Variants in SHISA9 observed in about 807,000 individuals in gnomAD.
SHISA9 encodes the protein protein shisa-9.
Under a neutral mutation model 38.0 loss-of-function variants are expected in SHISA9, and 13 were observed. The observed-to-expected ratio is 0.34, with a 90% CI of 0.22 to 0.54. SHISA9 has a LOEUF of 0.54. SHISA9 is among the 20% of genes least tolerant of loss of function. The probability of loss-of-function intolerance (pLI) is 0.91; values close to 1 mark genes in which losing one functional copy is unlikely to be tolerated. For synonymous variants in SHISA9, 275 were observed against 242.0 expected (o/e 1.14, Z -1.27); for missense variants, 538 against 575.8 (o/e 0.93, Z 0.67).
chr16:13,225,431 C>T (rs1018028608), intron 4 of SHISA9, among the ~76,000 whole-genome samples: 13 of 152,290 alleles, frequency 8.5e-5, no homozygotes, highest in African/African-American at 2.2e-4. Context: ...CTAGAGTCCA[C>T]GTCAAACAGA....
chr16:13,381,917 A>G, the SHISA9 span, among the ~76,000 whole-genome samples: 1 of 152,196 alleles, frequency 6.6e-6, no homozygotes. Flanking sequence ...AAATAGGTAA[A>G]TGACATGAAG....
intron 2 of SHISA9, among the ~76,000 whole-genome samples, chr16:12,968,053 G>C (rs957504694): frequency 4.6e-5 from 7 of 151,972 alleles, no homozygotes; most frequent in Non-Finnish European, 8.8e-5. Context: ...AGCCGGATGT[G>C]GTGGCACATG....
At chr16:12,963,183 G>C (rs1202040704) in intron 2 of SHISA9, among the ~76,000 whole-genome samples, 1 of 152,214 alleles carries the variant, frequency 6.6e-6, no homozygotes, top group Non-Finnish European at 1.5e-5. Context: ...GTTCTTAGTT[G>C]TCAGCTGACA....
the SHISA9 span, among the ~76,000 whole-genome samples, chr16:13,412,785 AG>A: frequency 9.5e-4 from 144 of 151,770 alleles, no homozygotes; most frequent in Non-Finnish European, 1.5e-3. Flanking sequence ...TTAGCCCGGG[AG>A]GCAGAGGTTG....
chr16:13,055,678 C>T (rs1567196992), intron 2 of SHISA9, among the ~76,000 whole-genome samples: 1 of 152,236 alleles, frequency 6.6e-6, no homozygotes, highest in African/African-American at 2.4e-5. Context: ...CCCACTCACC[C>T]TCTTCCCTCA....
chr16:13,523,353 TAAATA>T, the SHISA9 span, among the ~76,000 whole-genome samples: 27 of 152,016 alleles, frequency 1.8e-4, no homozygotes, highest in African/African-American at 4.6e-4. Flanking sequence ...CCATCTCAAA[TAAATA>T]AAATAAAATA....
intron 2 of SHISA9, among the ~76,000 whole-genome samples, chr16:12,990,658 G>C (rs915978826): frequency 5.3e-5 from 8 of 152,208 alleles, no homozygotes; most frequent in African/African-American, 1.9e-4. Context: ...ATCAAAACTG[G>C]AGGTGGATGG....
At chr16:13,092,518 C>G (rs1052622843) in intron 2 of SHISA9, among the ~76,000 whole-genome samples, 1 of 152,238 alleles carries the variant, frequency 6.6e-6, no homozygotes, top group African/African-American at 2.4e-5. Context: ...CTACTCAAGC[C>G]TCAGCAATTG....
chr16:13,228,986 C>T lies in SHISA9; in HGVS notation c.896-6044C>T, dbSNP rs189166416. The stretch of plus-strand genomic sequence containing the variant: ...GGCCAGCCTGGCCAACATGGAAAAA[C>T]GCTTCTCTACTGAAAATACCAAAAT... On this transcript the variant is annotated intron_variant, in intron 4 of 4. Coordinates refer to ENST00000558583, the MANE Select transcript of SHISA9 (RefSeq NM_001145204.3). 1.5e-3 allele frequency among the ~76,000 whole-genome samples: 225 copies of T among 152,208 alleles called. 2 individuals are homozygous for T. Among genetic ancestry groups the T allele is most frequent in the African/African-American group, 5.0e-3 (209 of 41,546 alleles).
chr16:13,102,657 C>T (rs1389708801), intron 2 of SHISA9, among the ~76,000 whole-genome samples: 1 of 152,154 alleles, frequency 6.6e-6, no homozygotes, highest in Non-Finnish European at 1.5e-5. Flanking sequence ...TTTGTCCTCC[C>T]TCTAGACTCC....
At chr16:13,540,204 C>T in the SHISA9 span, among the ~76,000 whole-genome samples, 2 of 151,968 alleles carry the variant, frequency 1.3e-5, no homozygotes, top group Non-Finnish European at 2.9e-5. Context: ...CACACACACA[C>T]ACACACACAC....
At chr16:13,450,772 T>TTTGTTGTTGTTG in the SHISA9 span, among the ~76,000 whole-genome samples, 3 of 151,946 alleles carry the variant, frequency 2.0e-5, no homozygotes, top group South Asian at 6.2e-4. Context: ...GTGTTGTTGT[T>TTTGTTGTTGTTG]TTGTTGTTGT....
chr16:13,107,518 GTTAAC>G (rs1194987835), intron 2 of SHISA9, among the ~76,000 whole-genome samples: 3 of 143,342 alleles, frequency 2.1e-5, no homozygotes, highest in African/African-American at 5.2e-5. Flanking sequence ...CACACACAGA[GTTAAC>G]TTAACTTTAG....
chr16:13,181,257 A>AAAT, intron 2 of SHISA9, among the ~76,000 whole-genome samples: 1 of 140,056 alleles, frequency 7.1e-6, no homozygotes, highest in Non-Finnish European at 1.5e-5. Context: ...GTCTTTCCTA[A>AAAT]AATAAAATTT....
At chr16:12,973,887 T>C (rs937637170) in intron 2 of SHISA9, among the ~76,000 whole-genome samples, 10 of 152,192 alleles carry the variant, frequency 6.6e-5, no homozygotes, top group Admixed American at 2.6e-4. Context: ...GGATATTATC[T>C]GGAGGGGATT....
At chr16:13,161,315 C>A (rs1172518613) in intron 2 of SHISA9, among the ~76,000 whole-genome samples, 2 of 152,086 alleles carry the variant, frequency 1.3e-5, no homozygotes, top group African/African-American at 4.8e-5. Flanking sequence ...CTGCTTGGGT[C>A]TTTGTGTTTT....
chr16:13,252,628 C>T, the SHISA9 span, among the ~76,000 whole-genome samples: 5 of 152,186 alleles, frequency 3.3e-5, no homozygotes, highest in Admixed American at 2.0e-4. Context: ...GCTCATGTCT[C>T]CTGGCCTGTC....
chr16:13,335,642 T>C, the SHISA9 span, among the ~76,000 whole-genome samples: 1 of 152,220 alleles, frequency 6.6e-6, no homozygotes, highest in African/African-American at 2.4e-5. Flanking sequence ...CTTTCCCTGA[T>C]TGAGCCTCAG....
chr16:13,528,483 T>C, the SHISA9 span, among the ~76,000 whole-genome samples: 1 of 152,256 alleles, frequency 6.6e-6, no homozygotes, highest in South Asian at 2.1e-4. Flanking sequence ...AAACAAAAAT[T>C]GTTTTAAAAA....
Sources: gnomAD v4.1 joint callset for allele counts (sites outside exome capture counted in the v4.1 genomes callset) on GRCh38, gnomAD v4.1.1 for gene constraint, MANE v1.5 for transcripts, NCBI Gene and HGNC (gene_info 2026-07-23, HGNC 2026-07-21) for gene names.